Variants in USP3 observed in about 807,000 individuals in gnomAD.
USP3 encodes ubiquitin specific peptidase 3.
A neutral mutation model predicts 72.3 loss-of-function variants in USP3; 20 were observed. The observed-to-expected ratio is 0.28, with a 90% CI of 0.19 to 0.40. The LOEUF (loss-of-function observed/expected upper bound fraction) is 0.40, where lower values mean the gene tolerates loss of function less well. Among genes scored for constraint, USP3 ranks in the 10% least tolerant of loss-of-function variants. The pLI is 1.00. For synonymous variants in USP3, 222 were observed against 225.3 expected, an observed-to-expected ratio of 0.99 and a Z score of 0.13; for missense variants, 479 against 633.9, an observed-to-expected ratio of 0.76 and a Z score of 2.62.
At position 63,570,355 on chromosome 15, in the gene USP3, G is replaced by C; in HGVS notation, c.762-78G>C. 1 of 1,595,212 alleles carries C rather than the reference G, an allele frequency of 6.3e-7. No homozygotes were observed. Among genetic ancestry groups the C allele is most frequent in the Non-Finnish European group, 8.5e-7 (1 of 1,170,588 alleles). ...GCACGGGGCTGCCGTCCTTTTCCAC[G>C]CCTTGGCCTCTTGCTGGTGTGGCTG... is the stretch of plus-strand genomic sequence containing the variant. On this transcript the variant is annotated intron_variant, in intron 8 of 14. Coordinates refer to ENST00000380324, the MANE Select transcript of USP3 (RefSeq NM_006537.4). The surrounding 1 kb of genome is among the most constrained non-coding windows in gnomAD (Gnocchi z 4.4).
rs1454519377 is a variant in USP3, at chr15:63,544,368, T to C, written c.284+7212T>C. 1 of 259,964 alleles carries C rather than the reference T, an allele frequency of 3.8e-6. No homozygotes were observed. Among genetic ancestry groups the C allele is most frequent in the Admixed American group, 5.1e-5 (1 of 19,608 alleles). The allele number at this position is 259,964 out of a possible 1,614,324, so 16.1% of individuals were successfully genotyped here. A position where few individuals can be genotyped will look rare whatever the true frequency, so the allele number is the denominator to read the frequency against. ...CTCACTGCTTGTAGAGTCCAGTTAA[T>C]ATGAGTGAGGTCTGGTAGAAAGAAA... On this transcript the variant is annotated intron_variant, in intron 3 of 14. Coordinates refer to ENST00000380324, the MANE Select transcript of USP3 (RefSeq NM_006537.4). This position sits in a 1 kb window ranked among gnomAD's most constrained non-coding sequence, Gnocchi z 4.2.
chr15:63,556,645 C>A, intron 4 of USP3, 22 bp from the exon 5 acceptor site: 4 of 1,577,044 alleles, frequency 2.5e-6, no homozygotes, highest in Non-Finnish European at 3.4e-6. Context: ...AACTTTTTCA[C>A]TATCTGTTTG....
At chr15:63,514,591 A>G (rs2065827710) in intron 1 of USP3, among the ~76,000 whole-genome samples, 1 of 152,122 alleles carries the variant, frequency 6.6e-6, no homozygotes, top group Non-Finnish European at 1.5e-5. Flanking sequence ...GTTAACCTTT[A>G]TTACATAACC....
intron 3 of USP3, among the ~76,000 whole-genome samples, chr15:63,537,806 C>G (rs1283601863): frequency 6.6e-6 from 1 of 152,172 alleles, no homozygotes; most frequent in Non-Finnish European, 1.5e-5. Flanking sequence ...CTGCCTCAGC[C>G]TCCCAAGTAG....
At chr15:63,556,859 C>T in intron 5 of USP3, 111 bp downstream of exon 5, 1 of 820,934 alleles carries the variant, frequency 1.2e-6, no homozygotes, top group Non-Finnish European at 1.9e-6. Flanking sequence ...AAATGTGTGT[C>T]TTGGATTTGG....
intron 5 of USP3, among the ~76,000 whole-genome samples, chr15:63,557,230 C>T (rs1302375803): frequency 6.6e-6 from 1 of 152,100 alleles, no homozygotes; most frequent in African/African-American, 2.4e-5. Context: ...ACCACCACGC[C>T]TGGCTAATTT....
At chr15:63,560,298 C>A (rs1295239479) in intron 7 of USP3, among the ~76,000 whole-genome samples, 1 of 151,840 alleles carries the variant, frequency 6.6e-6, no homozygotes, top group Non-Finnish European at 1.5e-5. Flanking sequence ...TACCTGTAAT[C>A]CCAGCTACTC....
At chr15:63,584,750 A>G (rs903397876) in intron 11 of USP3, among the ~76,000 whole-genome samples, 6 of 151,964 alleles carry the variant, frequency 3.9e-5, no homozygotes, top group Non-Finnish European at 7.4e-5. Flanking sequence ...TCAATACACA[A>G]TTTTTTAATT....
At chr15:63,545,763 G>C (rs1456455908) in intron 3 of USP3, among the ~76,000 whole-genome samples, 1 of 151,876 alleles carries the variant, frequency 6.6e-6, no homozygotes, top group Non-Finnish European at 1.5e-5. Context: ...TTGAGCCCAA[G>C]AGTTCGAGAC....
Position 63,570,342 on chromosome 15 carries a change from C to G in USP3, c.762-91C>G. 2 of 1,556,614 alleles carry G rather than the reference C, an allele frequency of 1.3e-6. No individual in the cohort carries two copies. The highest frequency in any genetic ancestry group is 8.7e-7 in the Non-Finnish European group (1 of 1,144,198). On this transcript the variant is annotated intron_variant, in intron 8 of 14. Coordinates refer to ENST00000380324, the MANE Select transcript of USP3 (RefSeq NM_006537.4). The surrounding 1 kb of genome is among the most constrained non-coding windows in gnomAD (Gnocchi z 4.4). ...GCTGTGCTTGTGAGCACGGGGCTGCCGTCCTTTTCCACGCCTTGGCCTCTT... is the reference window on the plus strand; with the variant it reads ...GCTGTGCTTGTGAGCACGGGGCTGCGGTCCTTTTCCACGCCTTGGCCTCTT...
rs905169427 is a variant in USP3, at chr15:63,588,066, T to C, written c.1097-239T>C. On this transcript the variant is annotated intron_variant, in intron 11 of 14. Coordinates refer to ENST00000380324, the MANE Select transcript of USP3 (RefSeq NM_006537.4). This position sits in a 1 kb window ranked among gnomAD's most constrained non-coding sequence, Gnocchi z 4.6. ...ATCATTAATAGTAAAACCAACACAA[T>C]TGATCATCACCAGATGTCAGGCATG... 12 of 351,384 alleles carry C rather than the reference T, an allele frequency of 3.4e-5. No individual in the cohort carries two copies. The highest frequency in any genetic ancestry group is 1.7e-4 in the Admixed American group (4 of 23,296). 21.8% of individuals were successfully genotyped at this position (351,384 alleles called of 1,614,324 possible). A position where few individuals can be genotyped will look rare whatever the true frequency, so the allele number is the denominator to read the frequency against.
At chr15:63,512,839 T>A (rs1411487536) in intron 1 of USP3, among the ~76,000 whole-genome samples, 1 of 152,218 alleles carries the variant, frequency 6.6e-6, no homozygotes, top group African/African-American at 2.4e-5. Flanking sequence ...AATTTCAGAT[T>A]TTGAAAACTG....
At chr15:63,590,590 C>T in intron 14 of USP3, 71 bp from the exon 15 acceptor site, 1 of 1,346,254 alleles carries the variant, frequency 7.4e-7, no homozygotes, top group Non-Finnish European at 9.8e-7. Flanking sequence ...TTAAATCTAA[C>T]ATTATATAGT....
intron 4 of USP3, among the ~76,000 whole-genome samples, chr15:63,554,282 T>C (rs1268915471): frequency 6.6e-6 from 1 of 152,226 alleles, no homozygotes; most frequent in Non-Finnish European, 1.5e-5. Flanking sequence ...CCTAGTTTCT[T>C]CCTTGCTTGT....
rs999029279 is a variant in USP3, at chr15:63,504,790, C to G, written c.51C>G (p.Ala17=). 5 of 1,611,310 alleles carry G rather than the reference C, an allele frequency of 3.1e-6. No homozygotes were observed. Among genetic ancestry groups the G allele is most frequent in the Non-Finnish European group, 4.2e-6 (5 of 1,178,962 alleles). ...SSSVCIAPDS[A]KFPNGSPSSW... is the part of the protein sequence containing the mutation. Reference sequence around the variant, plus strand: ...GCGTCTGCATTGCTCCGGACTCAGCCAAGTTCCCCAACGGCTCCCCGTCGT... The same window carrying G: ...GCGTCTGCATTGCTCCGGACTCAGCGAAGTTCCCCAACGGCTCCCCGTCGT... The change falls in exon 1 of 15, where the codon GCC becomes GCG. Residue 17 remains alanine (A), a synonymous_variant. Transcript: ENST00000380324.
At chr15:63,562,136 G>C (rs1057187922) in intron 7 of USP3, among the ~76,000 whole-genome samples, 2 of 152,172 alleles carry the variant, frequency 1.3e-5, no homozygotes, top group African/African-American at 4.8e-5. Context: ...TTCCTAGCAG[G>C]AAGAAGGAAA....
intron 11 of USP3, among the ~76,000 whole-genome samples, chr15:63,577,438 G>A (rs1371391014): frequency 6.6e-6 from 1 of 152,128 alleles, no homozygotes; most frequent in East Asian, 1.9e-4. Context: ...ACCAGCCTGG[G>A]CAACATAGTG....
At chr15:63,508,723 A>G (rs1274681043) in intron 1 of USP3, among the ~76,000 whole-genome samples, 1 of 152,174 alleles carries the variant, frequency 6.6e-6, no homozygotes, top group Non-Finnish European at 1.5e-5. Flanking sequence ...CCTGAATGCA[A>G]GTGTTTTGAT....
chr15:63,575,077 AAC>A (rs1456238615), intron 11 of USP3, among the ~76,000 whole-genome samples: 1 of 151,986 alleles, frequency 6.6e-6, no homozygotes, highest in Non-Finnish European at 1.5e-5. Flanking sequence ...CACTGAAGCT[AAC>A]AGTTTCTACT....
Sources: gnomAD v4.1 joint callset for allele counts (sites outside exome capture counted in the v4.1 genomes callset) on GRCh38, gnomAD v4.1.1 for gene constraint, Gnocchi (gnomAD v3.1) non-coding constraint, MANE v1.5 for transcripts, NCBI Gene and HGNC (gene_info 2026-07-23, HGNC 2026-07-21) for gene names.